The following ESRRB variants were observed in gnomAD, a reference collection of about 807,000 sequenced individuals.
The protein encoded by ESRRB is steroid hormone receptor ERR2.
A neutral mutation model predicts 46.0 loss-of-function variants in ESRRB; 16 were observed. The ratio of observed to expected loss-of-function variants is 0.35; its 90% CI spans 0.24 to 0.53. ESRRB has a LOEUF of 0.53. Among genes scored for constraint, ESRRB ranks in the 20% least tolerant of loss-of-function variants. The pLI, the probability that ESRRB is intolerant of heterozygous loss-of-function variation, is 0.93. For synonymous variants in ESRRB, 246 were observed against 259.6 expected (o/e 0.95, Z 0.50); for missense variants, 488 against 607.4 (o/e 0.80, Z 2.07).
At position 76,500,050 on chromosome 14, in the gene ESRRB, G is replaced by A. The variant is rs775647917; in HGVS notation, c.*1592G>A. On this transcript the variant is annotated 3_prime_UTR_variant, in exon 7 of 7. Transcript: ENST00000644823. ...GGCAGGCAGATCTCACCCAGCACTA[G>A]GACACCAGGAGGCCAGGTAACTTTC... The A allele has an allele frequency of 4.2e-5, 65 of 1,552,268 alleles. No homozygotes were observed. Among genetic ancestry groups the A allele is most frequent in the Non-Finnish European group, 5.4e-5 (62 of 1,146,980 alleles).
At chr14:76,472,293 G>A (rs2140011797) in intron 3 of ESRRB, among the ~76,000 whole-genome samples, 1 of 152,316 alleles carries the variant, frequency 6.6e-6, no homozygotes, top group East Asian at 1.9e-4. Flanking sequence ...AAATGCCCTT[G>A]GGGACATGGT....
intron 1 of ESRRB, among the ~76,000 whole-genome samples, chr14:76,377,549 C>G (rs147735767): frequency 2.0e-5 from 3 of 152,218 alleles, no homozygotes; most frequent in Non-Finnish European, 4.4e-5. Flanking sequence ...TTCTTACGGA[C>G]AGCTTTCCTG....
intron 1 of ESRRB, among the ~76,000 whole-genome samples, chr14:76,434,244 A>G (rs1196944381): frequency 6.6e-6 from 1 of 152,212 alleles, no homozygotes; most frequent in East Asian, 1.9e-4. Flanking sequence ...TGGCCTCTCC[A>G]GCAACTTTCT....
At chr14:76,443,586 A>G (rs1374905650) in intron 2 of ESRRB, among the ~76,000 whole-genome samples, 2 of 152,328 alleles carry the variant, frequency 1.3e-5, no homozygotes, top group East Asian at 3.9e-4. Flanking sequence ...AGAGGTTGCC[A>G]TTATTTTAGA....
At chr14:76,438,940 C>G (rs1887788157) in intron 1 of ESRRB, among the ~76,000 whole-genome samples, 1 of 151,438 alleles carries the variant, frequency 6.6e-6, no homozygotes, top group Non-Finnish European at 1.5e-5. Context: ...GCTGGGACTA[C>G]AGGCATACAC....
chr14:76,457,241 C>T (rs968600377), intron 2 of ESRRB, among the ~76,000 whole-genome samples: 1 of 152,152 alleles, frequency 6.6e-6, no homozygotes, highest in East Asian at 1.9e-4. Context: ...GCACCGGCAG[C>T]ATCCACTCTG....
intron 1 of ESRRB, among the ~76,000 whole-genome samples, chr14:76,384,126 G>A (rs1885123995): frequency 6.6e-6 from 1 of 152,068 alleles, no homozygotes; most frequent in South Asian, 2.1e-4. Context: ...GGTGAAACAG[G>A]ACTTCAGCAT....
At chr14:76,323,613 T>G (rs1409479835) in intron 1 of ESRRB, among the ~76,000 whole-genome samples, 1 of 152,136 alleles carries the variant, frequency 6.6e-6, no homozygotes, top group Non-Finnish European at 1.5e-5. Context: ...CCTGGTCTGG[T>G]CTTTCTTTTC....
chr14:76,425,545 C>T (rs771383695), intron 1 of ESRRB, among the ~76,000 whole-genome samples: 3 of 152,042 alleles, frequency 2.0e-5, no homozygotes, highest in Admixed American at 1.3e-4. Flanking sequence ...TCCTCCCTTC[C>T]AGCAACAGAT....
At chr14:76,497,161 T>C (rs1890464271) in intron 6 of ESRRB, among the ~76,000 whole-genome samples, 1 of 151,964 alleles carries the variant, frequency 6.6e-6, no homozygotes, top group Admixed American at 6.6e-5. Context: ...GCCGAGAGTG[T>C]AGGATTAGGG....
At position 76,326,107 on chromosome 14, in the gene ESRRB, G is replaced by A. The variant is rs142779614; in HGVS notation, c.2+15191G>A. ...CATATCTGTGCTCAGGGACCCATGC[G>A]TTCTCTCTGTGCCAGCCTGAGTGCC... On this transcript the variant is annotated intron_variant, in intron 1 of 6. Coordinates refer to the ESRRB transcript ENST00000512784. Among the ~76,000 whole-genome samples, 1,283 of 152,308 alleles carry A rather than the reference G, an allele frequency of 8.4e-3. 18 individuals carry two copies. Among genetic ancestry groups the A allele is most frequent in the African/African-American group, 0.029 (1,222 of 41,556 alleles).
intron 1 of ESRRB, among the ~76,000 whole-genome samples, chr14:76,337,685 T>C (rs1318680781): frequency 1.3e-5 from 2 of 152,226 alleles, no homozygotes; most frequent in Non-Finnish European, 2.9e-5. Context: ...TTCCCACAGT[T>C]GTCCTAGGAA....
upstream of ESRRB, among the ~76,000 whole-genome samples, chr14:76,375,081 T>C (rs1036870658): frequency 6.6e-6 from 1 of 152,256 alleles, no homozygotes; most frequent in East Asian, 1.9e-4. Flanking sequence ...CTCATTGTCT[T>C]CTGCAGAATA....
chr14:76,372,580 C>G (rs919208247), upstream of ESRRB, among the ~76,000 whole-genome samples: 4 of 151,948 alleles, frequency 2.6e-5, no homozygotes, highest in African/African-American at 9.7e-5. Flanking sequence ...GCCTATAATT[C>G]CAGCACTTTG....
intron 1 of ESRRB, among the ~76,000 whole-genome samples, chr14:76,353,707 T>A (rs1316187312): frequency 6.6e-6 from 1 of 152,126 alleles, no homozygotes; most frequent in Non-Finnish European, 1.5e-5. Context: ...ATCCCAGCAC[T>A]TCAGGAGGCC....
rs776652286 is a variant in ESRRB at position 76,491,563 on chromosome 14, G to A, written c.967G>A (p.Ala323Thr). Residue 323 changes from alanine to threonine, a missense_variant, in exon 6 of 7, where the codon GCT (alanine) becomes ACT (threonine). Transcript: ENST00000644823. ...SLPYDDKLVY[A>T]EDYIMDEEHS... ...GCCCTATGACGACAAGCTGGTGTAC[G>A]CTGAGGACTACATCATGGATGAGGA... is the stretch of plus-strand genomic sequence containing the variant. 4 of 1,592,512 alleles carry A rather than the reference G, an allele frequency of 2.5e-6. No individual in the cohort carries two copies. Among genetic ancestry groups the A allele is most frequent in the Non-Finnish European group, 2.6e-6 (3 of 1,169,984 alleles).
At chr14:76,403,219 A>C (rs1886017410) in intron 1 of ESRRB, among the ~76,000 whole-genome samples, 1 of 152,190 alleles carries the variant, frequency 6.6e-6, no homozygotes, top group Non-Finnish European at 1.5e-5. Context: ...GTCTCATTTT[A>C]CAGATAAAGA....
Position 76,462,012 on chromosome 14 carries a change from G to C in ESRRB, c.461-533G>C, listed in dbSNP as rs1474070935. 4.6e-5 allele frequency among the ~76,000 whole-genome samples: 7 copies of C among 152,232 alleles called. No homozygotes were observed. In the East Asian group the frequency reaches 1.3e-3, roughly 29 times the overall value. The stretch of plus-strand genomic sequence containing the variant: ...AGATGAAGAAATTTCAACTTGGTCA[G>C]AGGAAAGTATATCCTCAAGGTTAGC... On this transcript the variant is annotated intron_variant, in intron 2 of 6. Coordinates refer to ENST00000644823, the MANE Select transcript of ESRRB (RefSeq NM_001379180.1).
rs926828434 is a variant in ESRRB at position 76,501,835 on chromosome 14, G to A, written c.*3377G>A. 5.9e-5 allele frequency: 9 copies of A among 152,104 alleles called. No homozygotes were observed. Among genetic ancestry groups the A allele is most frequent in the Non-Finnish European group, 5.9e-5 (4 of 68,026 alleles). The allele number at this position is 152,104 out of a possible 1,614,324, so 9.4% of individuals were successfully genotyped here. Reference sequence around the variant, plus strand: ...TCTGGAATCTAATAAATAAGGAAAGGAACTATTGAGTTTCTTCACACATTG... The same window carrying A: ...TCTGGAATCTAATAAATAAGGAAAGAAACTATTGAGTTTCTTCACACATTG... On this transcript the variant is annotated 3_prime_UTR_variant, in exon 7 of 7. Coordinates refer to ENST00000644823, the MANE Select transcript of ESRRB (RefSeq NM_001379180.1).
Sources: gnomAD v4.1 joint callset for allele counts (sites outside exome capture counted in the v4.1 genomes callset) on GRCh38, gnomAD v4.1.1 for gene constraint, MANE v1.5 for transcripts, NCBI Gene and HGNC (gene_info 2026-07-23, HGNC 2026-07-21) for gene names.